Variants in LGSN observed in about 807,000 individuals in gnomAD.
LGSN encodes lengsin.
Under a neutral mutation model 19.5 loss-of-function variants are expected in LGSN, and 21 were observed. That is an observed-to-expected ratio of 1.07 (90% CI 0.76 to 1.55). The LOEUF is 1.55. LGSN is among the 40% of genes most tolerant of loss of function. LGSN has a pLI of 0.00. For synonymous variants in LGSN, 257 were observed against 215.6 expected (o/e 1.19, Z -1.68); for missense variants, 673 against 608.5 (o/e 1.11, Z -1.12).
At chr6:63,567,744 T>C in the LGSN span, among the ~76,000 whole-genome samples, 1 of 152,254 alleles carries the variant, frequency 6.6e-6, no homozygotes, top group Non-Finnish European at 1.5e-5. Context: ...TATGAAAGTC[T>C]TGGACAGCAT....
chr6:63,557,491 T>C, the LGSN span, among the ~76,000 whole-genome samples: 11 of 151,944 alleles, frequency 7.2e-5, no homozygotes, highest in South Asian at 2.1e-4. Context: ...TCCATATATA[T>C]ATATATGGAG....
At chr6:63,306,432 A>T (rs1459884121) in intron 1 of LGSN, among the ~76,000 whole-genome samples, 1 of 152,224 alleles carries the variant, frequency 6.6e-6, no homozygotes, top group African/African-American at 2.4e-5. Flanking sequence ...TTGTATTTTT[A>T]TAACTCTTTT....
the LGSN span, among the ~76,000 whole-genome samples, chr6:63,403,201 T>C: frequency 6.6e-6 from 1 of 152,146 alleles, no homozygotes; most frequent in Non-Finnish European, 1.5e-5. Context: ...AGGAATTCTT[T>C]GAAAAATGAT....
chr6:63,296,945 T>A (rs949226470), intron 1 of LGSN, among the ~76,000 whole-genome samples: 4 of 151,762 alleles, frequency 2.6e-5, no homozygotes, highest in African/African-American at 9.7e-5. Flanking sequence ...AAGGTCATTT[T>A]AAAAACATTC....
At chr6:63,398,728 C>T in the LGSN span, among the ~76,000 whole-genome samples, 2 of 152,052 alleles carry the variant, frequency 1.3e-5, no homozygotes, top group African/African-American at 4.8e-5. Flanking sequence ...ATAGCAGTAT[C>T]GTAGACTTTC....
At chr6:63,534,668 C>T in the LGSN span, among the ~76,000 whole-genome samples, 893 of 151,978 alleles carry the variant, frequency 5.9e-3, 9 homozygotes, top group South Asian at 0.028. Context: ...AAAATTGTCA[C>T]CAGGCACGGT....
chr6:63,424,005 A>T, the LGSN span, among the ~76,000 whole-genome samples: 1 of 152,172 alleles, frequency 6.6e-6, no homozygotes, highest in Non-Finnish European at 1.5e-5. Context: ...ATGCCACTAC[A>T]CTGCAGCCTG....
At chr6:63,332,144 T>G in the LGSN span, among the ~76,000 whole-genome samples, 1 of 152,212 alleles carries the variant, frequency 6.6e-6, no homozygotes, top group Non-Finnish European at 1.5e-5. Context: ...TTCCAGGTAG[T>G]GCCCACTATG....
At chr6:63,340,142 G>T in the LGSN span, among the ~76,000 whole-genome samples, 1 of 152,028 alleles carries the variant, frequency 6.6e-6, no homozygotes, top group East Asian at 1.9e-4. Context: ...TATGCTGCTG[G>T]TCTGATGAGA....
chr6:63,452,947 A>G, the LGSN span, among the ~76,000 whole-genome samples: 1 of 152,000 alleles, frequency 6.6e-6, no homozygotes, highest in African/African-American at 2.4e-5. Flanking sequence ...TTTCCAACCA[A>G]GTGCTGTTTG....
the LGSN span, among the ~76,000 whole-genome samples, chr6:63,491,955 G>A: frequency 2.0e-5 from 3 of 151,850 alleles, no homozygotes; most frequent in Admixed American, 6.6e-5. Context: ...CTTGAACCCG[G>A]GAGGCGGAAG....
At chr6:63,347,536 TATTCC>T in the LGSN span, among the ~76,000 whole-genome samples, 2 of 152,236 alleles carry the variant, frequency 1.3e-5, no homozygotes, top group Non-Finnish European at 2.9e-5. Context: ...AATCCATCAT[TATTCC>T]ATCAGTTCAT....
the LGSN span, among the ~76,000 whole-genome samples, chr6:63,333,043 AGT>A: frequency 6.6e-6 from 1 of 152,048 alleles, no homozygotes; most frequent in Non-Finnish European, 1.5e-5. Flanking sequence ...TCATAAAAGC[AGT>A]GTGGACCCAA....
the LGSN span, among the ~76,000 whole-genome samples, chr6:63,403,946 T>TTCTCTCTCTCTC: frequency 1.3e-5 from 2 of 148,258 alleles, 1 homozygote; most frequent in South Asian, 4.3e-4. Context: ...GCCTCTCTCT[T>TTCTCTCTCTCTC]TCTCTCTCTC....
the LGSN span, among the ~76,000 whole-genome samples, chr6:63,464,032 A>G: frequency 6.6e-6 from 1 of 152,156 alleles, no homozygotes; most frequent in Non-Finnish European, 1.5e-5. Context: ...GGAAGGGAGC[A>G]TAAATGAAAA....
the LGSN span, among the ~76,000 whole-genome samples, chr6:63,463,721 TAG>T: frequency 6.6e-6 from 1 of 152,202 alleles, no homozygotes; most frequent in African/African-American, 2.4e-5. Flanking sequence ...GGCTTTGATG[TAG>T]AGTCTTTAAT....
At chr6:63,565,427 T>C in the LGSN span, among the ~76,000 whole-genome samples, 1 of 152,112 alleles carries the variant, frequency 6.6e-6, no homozygotes, top group African/African-American at 2.4e-5. Context: ...TTCAAGAGAA[T>C]TGTTTCTTAA....
chr6:63,449,484 G>T, the LGSN span, among the ~76,000 whole-genome samples: 2 of 151,478 alleles, frequency 1.3e-5, no homozygotes, highest in Non-Finnish European at 2.9e-5. Context: ...GGCAGAGGTT[G>T]CAGTGAGCCG....
chr6:63,430,085 T>C, the LGSN span, among the ~76,000 whole-genome samples: 1 of 152,246 alleles, frequency 6.6e-6, no homozygotes, highest in Admixed American at 6.5e-5. Context: ...TTATGGCTTC[T>C]GGTCAGGTCA....
Sources: gnomAD v4.1 joint callset for allele counts (sites outside exome capture counted in the v4.1 genomes callset) on GRCh38, gnomAD v4.1.1 for gene constraint, MANE v1.5 for transcripts, NCBI Gene and HGNC (gene_info 2026-07-23, HGNC 2026-07-21) for gene names.